SPMIP4: variants seen among roughly 807,000 people sequenced by gnomAD.
SPMIP4 encodes the protein sperm-associated microtubule inner protein 4.
the SPMIP4 span, among the ~76,000 whole-genome samples, chr7:25,157,500 A>G: frequency 6.6e-5 from 10 of 152,196 alleles, no homozygotes; most frequent in Non-Finnish European, 1.2e-4. Context: ...GATCATGCCA[A>G]CGGCATGTAC....
the SPMIP4 span, among the ~76,000 whole-genome samples, chr7:25,161,479 C>CT: frequency 2.0e-5 from 3 of 152,010 alleles, no homozygotes; most frequent in Admixed American, 2.0e-4. Flanking sequence ...TCAAGAGATC[C>CT]TCCTGCCTTG....
the SPMIP4 span, among the ~76,000 whole-genome samples, chr7:25,146,197 A>G: frequency 1.3e-5 from 2 of 152,172 alleles, no homozygotes; most frequent in Admixed American, 1.3e-4. Flanking sequence ...ACTGGCAGAG[A>G]GAATTATTTT....
the SPMIP4 span, among the ~76,000 whole-genome samples, chr7:25,163,302 T>G: frequency 5.9e-4 from 89 of 152,126 alleles, no homozygotes; most frequent in African/African-American, 2.1e-3. This position sits in a 1 kb window ranked among gnomAD's most constrained non-coding sequence, Gnocchi z 4.4. Context: ...GCAATTTTGG[T>G]TTTTTTTCTC....
chr7:25,172,414 C>T, the SPMIP4 span, among the ~76,000 whole-genome samples: 10 of 152,214 alleles, frequency 6.6e-5, no homozygotes, highest in East Asian at 1.9e-4. The surrounding 1 kb of genome is among the most constrained non-coding windows in gnomAD (Gnocchi z 4.2). Flanking sequence ...AAACCCTTGG[C>T]GACAGCTGGT....
the SPMIP4 span, among the ~76,000 whole-genome samples, chr7:25,156,633 G>A: frequency 1.4e-4 from 21 of 152,140 alleles, no homozygotes; most frequent in South Asian, 1.0e-3. Flanking sequence ...CTCAGATCTC[G>A]GCTTCTAACA....
the SPMIP4 span, among the ~76,000 whole-genome samples, chr7:25,155,454 G>A: frequency 0.58 from 88,207 of 151,896 alleles, 25,875 homozygotes; most frequent in Middle Eastern, 0.64. Flanking sequence ...CCAATTCTTT[G>A]TCAGTGAGTA....
At chr7:25,152,709 C>T in the SPMIP4 span, among the ~76,000 whole-genome samples, 1 of 150,382 alleles carries the variant, frequency 6.6e-6, no homozygotes, top group East Asian at 2.0e-4. Flanking sequence ...TTCTCTCTCT[C>T]TTCCTTTTCC....
the SPMIP4 span, among the ~76,000 whole-genome samples, chr7:25,172,461 A>C: frequency 6.6e-6 from 1 of 152,200 alleles, no homozygotes; most frequent in Non-Finnish European, 1.5e-5. This position sits in a 1 kb window ranked among gnomAD's most constrained non-coding sequence, Gnocchi z 4.2. Flanking sequence ...TATGGCTAAC[A>C]AGGTGTTTTG....
chr7:25,156,259 C>T, the SPMIP4 span, among the ~76,000 whole-genome samples: 1 of 152,204 alleles, frequency 6.6e-6, no homozygotes, highest in African/African-American at 2.4e-5. Flanking sequence ...AGGGGAGAGG[C>T]ACGGGACAGA....
the SPMIP4 span, chr7:25,136,315 A>C: frequency 1.2e-6 from 2 of 1,614,216 alleles, no homozygotes; most frequent in Non-Finnish European, 1.7e-6. The surrounding 1 kb of genome is among the most constrained non-coding windows in gnomAD (Gnocchi z 5.7). Flanking sequence ...GTCTGGACAC[A>C]TATTATACTG....
At chr7:25,154,949 T>C in the SPMIP4 span, 1 of 1,485,380 alleles carries the variant, frequency 6.7e-7, no homozygotes, top group African/African-American at 1.4e-5. Flanking sequence ...GCTTTAATTT[T>C]ATTATTGAAG....
At chr7:25,169,202 C>A in the SPMIP4 span, among the ~76,000 whole-genome samples, 2 of 151,840 alleles carry the variant, frequency 1.3e-5, no homozygotes, top group Non-Finnish European at 2.9e-5. Flanking sequence ...CCAGCCTGGG[C>A]AACATAGCAA....
At chr7:25,142,369 A>T in the SPMIP4 span, 1 of 1,444,876 alleles carries the variant, frequency 6.9e-7, no homozygotes, top group Non-Finnish European at 9.6e-7. Flanking sequence ...TTGTTAGGGT[A>T]AACGAAGAAC....
chr7:25,158,780 C>T, the SPMIP4 span, among the ~76,000 whole-genome samples: 1 of 151,284 alleles, frequency 6.6e-6, no homozygotes, highest in Non-Finnish European at 1.5e-5. Context: ...CATGGTGGTG[C>T]ATGCCTGTAA....
At chr7:25,170,675 G>C in the SPMIP4 span, among the ~76,000 whole-genome samples, 1 of 152,170 alleles carries the variant, frequency 6.6e-6, no homozygotes, top group African/African-American at 2.4e-5. Flanking sequence ...CTTACGCTTA[G>C]GTCTTTGATT....
chr7:25,172,806 T>C, the SPMIP4 span, among the ~76,000 whole-genome samples: 1 of 152,058 alleles, frequency 6.6e-6, no homozygotes, highest in East Asian at 1.9e-4. The surrounding 1 kb of genome is among the most constrained non-coding windows in gnomAD (Gnocchi z 4.2). Flanking sequence ...TTTTGAACTA[T>C]ATTAGAAGAG....
At chr7:25,139,174 C>T in the SPMIP4 span, among the ~76,000 whole-genome samples, 1 of 151,910 alleles carries the variant, frequency 6.6e-6, no homozygotes, top group East Asian at 1.9e-4. Flanking sequence ...AAAAAAAAAC[C>T]GCAAACAAAT....
chr7:25,175,493 C>T, the SPMIP4 span, among the ~76,000 whole-genome samples: 3 of 152,208 alleles, frequency 2.0e-5, no homozygotes, highest in East Asian at 1.9e-4. Context: ...AATCGTTTTG[C>T]GTCACTGTTA....
At chr7:25,141,859 T>C in the SPMIP4 span, among the ~76,000 whole-genome samples, 2 of 152,064 alleles carry the variant, frequency 1.3e-5, no homozygotes, top group African/African-American at 4.8e-5. Context: ...TGCCTCAGCC[T>C]CCTGAGCAGC....
Sources: allele counts gnomAD v4.1 joint callset (sites outside exome capture counted in the v4.1 genomes callset), GRCh38; gene constraint gnomAD v4.1.1; non-coding constraint Gnocchi (gnomAD v3.1); transcripts MANE v1.5; gene names NCBI Gene and HGNC (gene_info 2026-07-23, HGNC 2026-07-21).